The following ADAMTS6 variants were observed in gnomAD, a reference collection of about 807,000 sequenced individuals.
ADAMTS6 encodes the protein ADAM metallopeptidase with thrombospondin type 1 motif 6.
Under a neutral mutation model 144.3 loss-of-function variants are expected in ADAMTS6, and 23 were observed. The observed-to-expected ratio is 0.16, with a 90% CI of 0.11 to 0.23. The LOEUF (loss-of-function observed/expected upper bound fraction) is 0.23, where lower values mean the gene tolerates loss of function less well. Ranked by LOEUF, ADAMTS6 falls within the 10% of genes least tolerant of loss-of-function variation. The pLI, the probability that ADAMTS6 is intolerant of heterozygous loss-of-function variation, is 1.00. For missense variants in ADAMTS6, 999 were observed against 1,379.6 expected (o/e 0.72, Z 4.37); for synonymous variants, 444 against 457.5 (o/e 0.97, Z 0.38).
rs548512300 is a variant in ADAMTS6 at position 65,449,599 on chromosome 5, C to T, written c.1073+1876G>A. ...TCACGCCACTGCACTCCAGCCTGGG[C>T]GACAGAGCAGGACTCCATCTCAAAA... is the stretch of plus-strand genomic sequence containing the variant. On this transcript the variant is annotated intron_variant, in intron 7 of 24. Coordinates refer to ENST00000381055, the MANE Select transcript of ADAMTS6 (RefSeq NM_197941.4). Among the ~76,000 whole-genome samples, 6 of 151,402 alleles carry T rather than the reference C, an allele frequency of 4.0e-5. No homozygotes were observed. The East Asian group carries it at 7.8e-4, about 20-fold the overall frequency.
chr5:65,414,232 G>A (rs1227369884), intron 7 of ADAMTS6, among the ~76,000 whole-genome samples: 8 of 151,790 alleles, frequency 5.3e-5, no homozygotes, highest in Admixed American at 1.3e-4. Flanking sequence ...ATCAAACCTA[G>A]TATAAAAACA....
intron 15 of ADAMTS6, among the ~76,000 whole-genome samples, chr5:65,241,753 T>G (rs906143593): frequency 6.6e-6 from 1 of 152,166 alleles, no homozygotes; most frequent in African/African-American, 2.4e-5. Flanking sequence ...TGCAAACATT[T>G]AAAGATTATA....
chr5:65,276,352 T>A (rs1015835813), intron 11 of ADAMTS6, among the ~76,000 whole-genome samples: 1 of 152,184 alleles, frequency 6.6e-6, no homozygotes, highest in East Asian at 1.9e-4. Context: ...AATTCTATGT[T>A]GAGGAACACT....
chr5:65,245,143 T>C (rs904981423), intron 14 of ADAMTS6, among the ~76,000 whole-genome samples: 12 of 152,148 alleles, frequency 7.9e-5, no homozygotes, highest in African/African-American at 2.9e-4. Flanking sequence ...AAGGTAGCAC[T>C]TAATAATTAT....
chr5:65,314,671 T>C (rs1050168215), intron 9 of ADAMTS6, among the ~76,000 whole-genome samples: 2 of 152,188 alleles, frequency 1.3e-5, no homozygotes, highest in African/African-American at 4.8e-5. Context: ...TACACCTTAC[T>C]CCTGGAGAAA....
chr5:65,215,864 C>T (rs1291166589), intron 18 of ADAMTS6, among the ~76,000 whole-genome samples: 1 of 152,042 alleles, frequency 6.6e-6, no homozygotes, highest in Admixed American at 6.6e-5. Flanking sequence ...CAACCTGTTG[C>T]ACTTGGACAC....
At chr5:65,439,688 T>C (rs1757720791) in intron 7 of ADAMTS6, among the ~76,000 whole-genome samples, 1 of 152,140 alleles carries the variant, frequency 6.6e-6, no homozygotes, top group Non-Finnish European at 1.5e-5. Context: ...TAAAGAATAT[T>C]ATTAAGACAA....
At chr5:65,225,100 T>C (rs1227071720) in intron 16 of ADAMTS6, 53 bp from the exon 17 acceptor site, 18 of 1,568,384 alleles carry the variant, frequency 1.1e-5, no homozygotes, top group East Asian at 1.1e-4. Context: ...CTTGGAATCA[T>C]AACTAATGAA....
Position 65,391,698 on chromosome 5 carries a change from C to T in ADAMTS6, c.1074-57613G>A, listed in dbSNP as rs192863587. ...GTCATATCTCTTTAGTCTCTTTTAA[C>T]ATGGAATATTTCAACAGCCTCTTTG... On this transcript the variant is annotated intron_variant, in intron 7 of 24. Coordinates refer to ENST00000381055, the MANE Select transcript of ADAMTS6 (RefSeq NM_197941.4). Among the ~76,000 whole-genome samples, 130 of 151,782 alleles carry T rather than the reference C, an allele frequency of 8.6e-4. 2 individuals carry two copies. The highest frequency in any genetic ancestry group is 3.1e-3 in the Admixed American group (47 of 15,248).
At chr5:65,458,713 C>A (rs1367750078) in intron 4 of ADAMTS6, among the ~76,000 whole-genome samples, 2 of 152,012 alleles carry the variant, frequency 1.3e-5, no homozygotes, top group African/African-American at 4.8e-5. Flanking sequence ...CCCGGCCAAC[C>A]CTTTCTATTT....
chr5:65,272,489 A>G (rs1762129932), intron 12 of ADAMTS6, among the ~76,000 whole-genome samples: 1 of 152,136 alleles, frequency 6.6e-6, no homozygotes. Flanking sequence ...TGTGCCAAGC[A>G]TGTTTAAATA....
chr5:65,416,240 T>C (rs993582102), intron 7 of ADAMTS6: 9 of 155,532 alleles, frequency 5.8e-5, no homozygotes, highest in African/African-American at 2.2e-4. Context: ...ACAAGAAAAA[T>C]AAAGTAAATC....
chr5:65,219,154 A>G (rs951973856), intron 18 of ADAMTS6, among the ~76,000 whole-genome samples: 1 of 152,210 alleles, frequency 6.6e-6, no homozygotes, highest in African/African-American at 2.4e-5. Flanking sequence ...ATTACATTAA[A>G]TATAAATGAT....
In ADAMTS6 at chr5:65,188,080, A is replaced by G. The variant is rs748092963; in HGVS notation, c.2846T>C (p.Val949Ala). Residue 949 changes from valine (V) to alanine (A), a missense_variant, in exon 22 of 25, where the codon GTC becomes GCC. This residue lies in a region of ADAMTS6 where 619 missense variants were observed against 837.0 expected (regional missense o/e 0.74). Coordinates refer to ENST00000381055, the MANE Select transcript of ADAMTS6 (RefSeq NM_197941.4). ...DYSGCLTHRP[V>A]EKEPCNNQSC... ...CTGGTTGTTGCAGGGCTCTTTTTCGACAGGCCGGTGTGTTAAACAACCACT... is the reference window on the plus strand; with the variant it reads ...CTGGTTGTTGCAGGGCTCTTTTTCGGCAGGCCGGTGTGTTAAACAACCACT... The G allele has an allele frequency of 6.2e-7, 1 of 1,614,046 alleles. No individual in the cohort carries two copies. Among genetic ancestry groups the G allele is most frequent in the Non-Finnish European group, 8.5e-7 (1 of 1,179,990 alleles).
At chr5:65,246,927 G>A (rs915406493) in intron 14 of ADAMTS6, among the ~76,000 whole-genome samples, 10 of 152,106 alleles carry the variant, frequency 6.6e-5, no homozygotes, top group Non-Finnish European at 1.3e-4. Context: ...GAAAAATTAC[G>A]TAAAACACAT....
At chr5:65,303,749 T>C (rs1561400150) in intron 9 of ADAMTS6, among the ~76,000 whole-genome samples, 1 of 152,024 alleles carries the variant, frequency 6.6e-6, no homozygotes, top group African/African-American at 2.4e-5. Flanking sequence ...GGGAAAATGA[T>C]ATAAATTTTG....
At chr5:65,213,361 G>A (rs1756668906) in intron 20 of ADAMTS6, among the ~76,000 whole-genome samples, 1 of 152,058 alleles carries the variant, frequency 6.6e-6, no homozygotes, top group Non-Finnish European at 1.5e-5. Context: ...ACTGAATTAG[G>A]CTGGGCGTGA....
intron 7 of ADAMTS6, among the ~76,000 whole-genome samples, chr5:65,350,179 G>A (rs1360865924): frequency 6.6e-6 from 1 of 152,174 alleles, no homozygotes; most frequent in Non-Finnish European, 1.5e-5. Flanking sequence ...ACGTTCTATA[G>A]TAGCCTATTC....
chr5:65,307,814 T>A (rs1021204124), intron 9 of ADAMTS6, among the ~76,000 whole-genome samples: 1 of 152,214 alleles, frequency 6.6e-6, no homozygotes, highest in South Asian at 2.1e-4. Flanking sequence ...TATCCCAGTC[T>A]GAGAAACTAA....
Sources: gnomAD v4.1 joint callset for allele counts (sites outside exome capture counted in the v4.1 genomes callset) on GRCh38, gnomAD v4.1.1 for gene constraint, gnomAD v4.1.1 regional missense constraint, MANE v1.5 for transcripts, NCBI Gene and HGNC (gene_info 2026-07-23, HGNC 2026-07-21) for gene names.